Variants in HGSNAT observed in about 807,000 individuals in gnomAD.
The protein encoded by HGSNAT is heparan-alpha-glucosaminide N-acetyltransferase.
A neutral mutation model predicts 85.2 loss-of-function variants in HGSNAT; 59 were observed. That is an observed-to-expected ratio of 0.69 (90% CI 0.56 to 0.86). The LOEUF (loss-of-function observed/expected upper bound fraction) is 0.86. Ranked by LOEUF, HGSNAT falls within the 40% of genes least tolerant of loss-of-function variation. The probability of loss-of-function intolerance (pLI) is 0.00; values close to 1 mark genes in which losing one functional copy is unlikely to be tolerated. For synonymous variants in HGSNAT, 321 were observed against 304.5 expected (o/e 1.05, Z -0.56); for missense variants, 756 against 777.1 (o/e 0.97, Z 0.32).
intron 10 of HGSNAT, 194 bp from the exon 11 acceptor site, chr8:43,181,951 G>A (rs1804139669): frequency 1.7e-6 from 1 of 598,796 alleles, no homozygotes; most frequent in Admixed American, 2.9e-5. Context: ...TCTATTAAGA[G>A]GGATTGGCCT....
intron 15 of HGSNAT, 101 bp from the exon 16 acceptor site, chr8:43,197,571 C>A: frequency 1.2e-6 from 1 of 844,130 alleles, no homozygotes; most frequent in Non-Finnish European, 2.0e-6. Flanking sequence ...AGTTTCAGCC[C>A]TCTCTACGTG....
At chr8:43,147,885 A>G (rs1802767042) in intron 2 of HGSNAT, among the ~76,000 whole-genome samples, 1 of 152,202 alleles carries the variant, frequency 6.6e-6, no homozygotes, top group Non-Finnish European at 1.5e-5. Flanking sequence ...CTTCAGCATC[A>G]TACAGTATAC....
rs1268734322 is a variant in HGSNAT, at chr8:43,158,629, A to G, written c.289A>G (p.Ser97Gly). ...VPQSPKAGKP[S>G]AAAASVSTQH... Reference sequence around the variant, plus strand: ...TCAGAGTCCAAAAGCAGGGAAGCCTAGTGCTGCAGCTGCCTCTGTCAGCAC... The same window carrying G: ...TCAGAGTCCAAAAGCAGGGAAGCCTGGTGCTGCAGCTGCCTCTGTCAGCAC... The change falls in exon 3 of 18, where the codon AGT becomes GGT. Residue 97 changes from serine to glycine, a missense_variant. Coordinates refer to ENST00000379644, the MANE Select transcript of HGSNAT (RefSeq NM_152419.3). The G allele has an allele frequency of 6.2e-7, 1 of 1,613,960 alleles. No homozygotes were observed. Among genetic ancestry groups the G allele is most frequent in the East Asian group, 2.2e-5 (1 of 44,882 alleles).
rs556431389 is a variant in HGSNAT, at chr8:43,158,255, C to T, written c.235-320C>T. ...CTGGGATTACAGGCATGTGCCACCA[C>T]GTCCAGCTAATTTTTGTATTTTTTA... On this transcript the variant is annotated intron_variant, in intron 2 of 17. Transcript: ENST00000379644. Among the ~76,000 whole-genome samples the T allele has an allele frequency of 2.0e-5, 3 of 152,194 alleles. No individual in the cohort carries two copies. The South Asian group carries it at 6.2e-4, about 32-fold the overall frequency.
chr8:43,178,451 T>C (rs887383866), intron 10 of HGSNAT, among the ~76,000 whole-genome samples: 1 of 152,122 alleles, frequency 6.6e-6, no homozygotes, highest in African/African-American at 2.4e-5. Flanking sequence ...AACCCTTCTC[T>C]TGTGCAGAGG....
intron 7 of HGSNAT, 90 bp from the exon 8 acceptor site, chr8:43,172,220 G>A (rs1307232543): frequency 8.0e-6 from 7 of 879,212 alleles, no homozygotes; most frequent in South Asian, 5.3e-5. Flanking sequence ...TTGCATGATT[G>A]CACCTTGTGA....
intron 1 of HGSNAT, among the ~76,000 whole-genome samples, chr8:43,146,678 T>G (rs764073370): frequency 2.6e-5 from 4 of 152,166 alleles, no homozygotes; most frequent in African/African-American, 4.8e-5. Flanking sequence ...TTGAGTGGTG[T>G]TGACTGAATC....
In HGSNAT at chr8:43,178,107, A is replaced by G. The variant is rs200637619; in HGVS notation, c.885A>G (p.Leu295=). The G allele has an allele frequency of 7.8e-5, 126 of 1,612,970 alleles. No individual in the cohort carries two copies. Among genetic ancestry groups the G allele is most frequent in the Middle Eastern group, 1.7e-4 (1 of 6,056 alleles). ...TTATTATGGGATCTTCCATTTTTCT[A>G]TCGATGACTTCTATACTGCAACGGG... ...FVFIMGSSIF[L]SMTSILQRGC... is the part of the protein sequence containing the mutation. The change falls in exon 10 of 18, where the codon CTA becomes CTG. Residue 295 remains leucine (L), a synonymous_variant. Transcript: ENST00000379644.
At chr8:43,165,285 G>C (rs55908519) in intron 5 of HGSNAT, among the ~76,000 whole-genome samples, 3,799 of 152,126 alleles carry the variant, frequency 0.025, 157 homozygotes, top group African/African-American at 0.086. Flanking sequence ...GGGATGCCAT[G>C]AACCCTGCCT....
intron 2 of HGSNAT, among the ~76,000 whole-genome samples, chr8:43,150,630 G>A (rs981917502): frequency 7.2e-5 from 11 of 152,050 alleles, no homozygotes; most frequent in Admixed American, 2.0e-4. Flanking sequence ...TCAGGAGATC[G>A]AGACCATCCT....
rs931697190 is a variant in HGSNAT at position 43,181,261 on chromosome 8, C to T, written c.1013-884C>T. 2.6e-4 allele frequency among the ~76,000 whole-genome samples: 38 copies of T among 148,894 alleles called. 1 individual carries two copies. The highest frequency in any genetic ancestry group is 2.0e-4 in the Admixed American group (3 of 14,818). ...CATTTCATCAGCTTTCGATAGTGTG[C>T]GGCAGTTCACGAATCCACCTTCACT... On this transcript the variant is annotated intron_variant, in intron 10 of 17. Transcript: ENST00000379644.
intron 5 of HGSNAT, among the ~76,000 whole-genome samples, chr8:43,165,044 ATTTTTTTTTT>A (rs1175997527): frequency 1.4e-5 from 1 of 72,032 alleles, no homozygotes. Context: ...CACCATGATA[ATTTTTTTTTT>A]TTTTTTTTTT....
chr8:43,146,601 C>A (rs1802719742), intron 1 of HGSNAT, among the ~76,000 whole-genome samples: 3 of 152,186 alleles, frequency 2.0e-5, no homozygotes, highest in South Asian at 2.1e-4. Flanking sequence ...CTACTAAATT[C>A]AGTACATGTC....
chr8:43,197,456 C>A, intron 15 of HGSNAT: 3 of 582,324 alleles, frequency 5.2e-6, no homozygotes, highest in Non-Finnish European at 6.1e-6. Context: ...GTAAGCTTAC[C>A]CTCTTCAACT....
In HGSNAT at chr8:43,192,384, G is replaced by A. The variant is rs766803070; in HGVS notation, c.1331G>A (p.Arg444His). 2.5e-5 allele frequency: 41 copies of A among 1,613,044 alleles called. No individual in the cohort carries two copies. Among genetic ancestry groups the A allele is most frequent in the Non-Finnish European group, 3.3e-5 (39 of 1,179,652 alleles). Residue 444 changes from arginine to histidine, a missense_variant, in exon 13 of 18, where the codon CGC (arginine) becomes CAC (histidine). Transcript: ENST00000379644. Reference protein sequence around the residue: ...CTGGAAGYIDRLLLGDDHLYQ... With the variant: ...CTGGAAGYIDHLLLGDDHLYQ... ...GGAGGAGCTGCAGGCTACATCGACC[G>A]CCTGCTGCTGGGAGACGATCACCTT... is the stretch of plus-strand genomic sequence containing the variant.
chr8:43,152,679 A>G (rs1478881483), intron 2 of HGSNAT, among the ~76,000 whole-genome samples: 1 of 151,900 alleles, frequency 6.6e-6, no homozygotes, highest in Non-Finnish European at 1.5e-5. Flanking sequence ...CTGGTTTGGA[A>G]CTCCTGGCCT....
chr8:43,193,719 C>T (rs760709987), intron 13 of HGSNAT, 38 bp from the exon 14 acceptor site: 5 of 1,360,614 alleles, frequency 3.7e-6, no homozygotes, highest in South Asian at 3.6e-5. Context: ...GTTTTCAGAT[C>T]AGTGAGTGAG....
chr8:43,188,925 C>G (rs1804422848), intron 11 of HGSNAT, among the ~76,000 whole-genome samples: 1 of 152,186 alleles, frequency 6.6e-6, no homozygotes, highest in Non-Finnish European at 1.5e-5. Context: ...ACTCCAGACC[C>G]TGTTTGCCTG....
At chr8:43,193,330 A>G (rs1359246850) in intron 13 of HGSNAT, among the ~76,000 whole-genome samples, 2 of 152,246 alleles carry the variant, frequency 1.3e-5, no homozygotes, top group African/African-American at 2.4e-5. Flanking sequence ...AAAAAGAAAC[A>G]TATTTAAAAA....
Sources: gnomAD v4.1 joint callset for allele counts (sites outside exome capture counted in the v4.1 genomes callset) on GRCh38, gnomAD v4.1.1 for gene constraint, MANE v1.5 for transcripts, NCBI Gene and HGNC (gene_info 2026-07-23, HGNC 2026-07-21) for gene names.